The following PRUNE2 variants were observed in gnomAD, a reference collection of about 807,000 sequenced individuals.
The protein encoded by PRUNE2 is prune homolog 2 with BCH domain.
In PRUNE2, 164 loss-of-function variants were observed where a neutral mutation model predicts 252.0. That is an observed-to-expected ratio of 0.65 (90% CI 0.57 to 0.74). The LOEUF is 0.74. Ranked by LOEUF, PRUNE2 falls within the 30% of genes least tolerant of loss-of-function variation. PRUNE2 has a pLI of 0.00. For synonymous variants in PRUNE2, 1,292 were observed against 1,350.2 expected, an observed-to-expected ratio of 0.96 and a Z score of 0.94; for missense variants, 3,495 against 3,711.0, an observed-to-expected ratio of 0.94 and a Z score of 1.51.
intron 4 of PRUNE2, among the ~76,000 whole-genome samples, chr9:76,831,806 C>A (rs970651017): frequency 6.6e-6 from 1 of 152,006 alleles, no homozygotes; most frequent in African/African-American, 2.4e-5. Context: ...CAAAGCACTT[C>A]GATTCAAAGA....
chr9:76,902,706 C>T (rs1393048427), intron 1 of PRUNE2, among the ~76,000 whole-genome samples: 1 of 152,228 alleles, frequency 6.6e-6, no homozygotes, highest in East Asian at 1.9e-4. Context: ...CGTGCCCCAC[C>T]TCCAACCAAG....
At chr9:76,685,065 A>G (rs368577283) in intron 9 of PRUNE2, among the ~76,000 whole-genome samples, 49 of 152,278 alleles carry the variant, frequency 3.2e-4, no homozygotes, top group Non-Finnish European at 4.6e-4. Flanking sequence ...TCTGCCTCTT[A>G]TTAACCATGT....
intron 9 of PRUNE2, among the ~76,000 whole-genome samples, chr9:76,680,722 T>C (rs2043329010): frequency 6.6e-6 from 1 of 152,196 alleles, no homozygotes; most frequent in Non-Finnish European, 1.5e-5. Context: ...GGGTAATTTA[T>C]TAAAAAGAGA....
At chr9:76,629,909 G>C (rs528587973) in intron 15 of PRUNE2, among the ~76,000 whole-genome samples, 20 of 152,282 alleles carry the variant, frequency 1.3e-4, no homozygotes, top group African/African-American at 4.6e-4. Context: ...TCTTATTACA[G>C]CCTAGTGAGG....
intron 10 of PRUNE2, among the ~76,000 whole-genome samples, chr9:76,653,655 T>C (rs1848228735): frequency 6.6e-6 from 1 of 152,168 alleles, no homozygotes; most frequent in South Asian, 2.1e-4. Context: ...TTTGTCATGT[T>C]CACAGACACT....
At chr9:76,821,584 C>T (rs2058040604) in intron 6 of PRUNE2, among the ~76,000 whole-genome samples, 1 of 151,850 alleles carries the variant, frequency 6.6e-6, no homozygotes, top group Non-Finnish European at 1.5e-5. Context: ...CTTTAATATC[C>T]CCATTATGCA....
chr9:76,693,124 C>G lies in PRUNE2; in HGVS notation c.8276+10213G>C, dbSNP rs1283133559. The G allele has an allele frequency of 4.6e-5, 7 of 151,890 alleles. No homozygotes were observed. The East Asian group carries it at 1.3e-3, about 29-fold the overall frequency. The allele number at this position is 151,890 out of a possible 1,614,324, so 9.4% of individuals were successfully genotyped here. A position where few individuals can be genotyped will look rare whatever the true frequency, so the allele number is the denominator to read the frequency against. ...AGCAGATATATTGACACAATTAAGG[C>G]AAACAAAGTATTAATGAAATGTTTA... On this transcript the variant is annotated intron_variant, in intron 9 of 18. Coordinates refer to ENST00000376718, the MANE Select transcript of PRUNE2 (RefSeq NM_015225.3).
chr9:76,785,223 TC>T (rs1464592334), intron 6 of PRUNE2: 4 of 152,198 alleles, frequency 2.6e-5, no homozygotes, highest in Non-Finnish European at 5.9e-5. Flanking sequence ...CTCTTCCTTG[TC>T]TCTTAAATCT....
At chr9:76,872,757 A>G (rs988880824) in intron 1 of PRUNE2, among the ~76,000 whole-genome samples, 17 of 152,126 alleles carry the variant, frequency 1.1e-4, no homozygotes, top group Non-Finnish European at 2.4e-4. Flanking sequence ...AAAAGTGTGT[A>G]TGTGTGTTAA....
intron 6 of PRUNE2, among the ~76,000 whole-genome samples, chr9:76,719,121 TA>T (rs144257324): frequency 0.022 from 3,401 of 152,226 alleles, 112 homozygotes; most frequent in African/African-American, 0.075. Flanking sequence ...AGCTTTATTT[TA>T]TTTTTTTTCC....
intron 6 of PRUNE2, among the ~76,000 whole-genome samples, chr9:76,750,838 A>G (rs1247061519): frequency 2.0e-5 from 3 of 152,230 alleles, no homozygotes; most frequent in Non-Finnish European, 4.4e-5. Context: ...CTAGAAATCA[A>G]TGAAAGGTCA....
chr9:76,662,348 T>C (rs1020372270), intron 9 of PRUNE2, among the ~76,000 whole-genome samples: 1 of 152,268 alleles, frequency 6.6e-6, no homozygotes, highest in Admixed American at 6.5e-5. Context: ...TGTGTGTTTC[T>C]GATACTTACA....
chr9:76,858,708 G>A (rs1250265422), intron 1 of PRUNE2, among the ~76,000 whole-genome samples: 2 of 149,530 alleles, frequency 1.3e-5, no homozygotes, highest in African/African-American at 5.0e-5. Context: ...GTATACCTAT[G>A]TAACAAACCT....
At chr9:76,623,358 G>C (rs989078198) in intron 17 of PRUNE2, among the ~76,000 whole-genome samples, 4 of 150,614 alleles carry the variant, frequency 2.7e-5, no homozygotes, top group Non-Finnish European at 4.4e-5. Context: ...GCAGTGGCAT[G>C]ATCTCGGCTC....
rs377723177 is a variant in PRUNE2, at chr9:76,706,622, A to G, written c.5652T>C (p.Thr1884=). ...GDIEPVETHY[T]NPFSDNHQSP... is the part of the protein sequence containing the mutation. ...ACTGATGGTTGTCACTAAAAGGATTAGTATAGTGTGTTTCCACGGGCTCAA... is the reference window on the plus strand; with the variant it reads ...ACTGATGGTTGTCACTAAAAGGATTGGTATAGTGTGTTTCCACGGGCTCAA... Residue 1884 remains threonine (T), a synonymous_variant, in exon 8 of 19, where the codon ACT becomes ACC. Transcript: ENST00000376718. The G allele has an allele frequency of 2.5e-6, 4 of 1,613,806 alleles. No individual in the cohort carries two copies. Among genetic ancestry groups the G allele is most frequent in the Non-Finnish European group, 3.4e-6 (4 of 1,179,872 alleles).
chr9:76,898,462 CA>C lies in PRUNE2; in HGVS notation c.36+7465del, dbSNP rs911394668. Among the ~76,000 whole-genome samples, 12 of 152,232 alleles carry C rather than the reference CA, an allele frequency of 7.9e-5. No homozygotes were observed. The South Asian group carries it at 1.9e-3, about 24-fold the overall frequency. ...TCCCACACTATATTCTCCATTACTA[CA>C]AAAAGCTAATTCTCAAATTTGAGTA... On this transcript the variant is annotated intron_variant, in intron 1 of 18. Coordinates refer to ENST00000376718, the MANE Select transcript of PRUNE2 (RefSeq NM_015225.3).
intron 6 of PRUNE2, among the ~76,000 whole-genome samples, chr9:76,751,921 C>T (rs573442251): frequency 6.6e-6 from 1 of 152,148 alleles, no homozygotes; most frequent in Non-Finnish European, 1.5e-5. Context: ...AAAGCCATGA[C>T]ATCATTTAGG....
At chr9:76,649,847 A>C (rs1321251210) in intron 11 of PRUNE2, among the ~76,000 whole-genome samples, 2 of 152,190 alleles carry the variant, frequency 1.3e-5, no homozygotes, top group Non-Finnish European at 2.9e-5. Context: ...ATTGTGAGCA[A>C]AAACCCTGGC....
intron 6 of PRUNE2, among the ~76,000 whole-genome samples, chr9:76,757,957 A>G (rs1360113607): frequency 1.3e-5 from 2 of 152,228 alleles, no homozygotes; most frequent in Admixed American, 6.5e-5. Context: ...AAACTTACAT[A>G]AAACATCATT....
Sources: allele counts gnomAD v4.1 joint callset (sites outside exome capture counted in the v4.1 genomes callset), GRCh38; gene constraint gnomAD v4.1.1; transcripts MANE v1.5; gene names NCBI Gene and HGNC (gene_info 2026-07-23, HGNC 2026-07-21).